LRP1B: variants seen among roughly 807,000 people sequenced by gnomAD.
LRP1B encodes LDL receptor related protein 1B, also known as low-density lipoprotein receptor-related protein 1B.
In LRP1B, 217 loss-of-function variants were observed where a neutral mutation model predicts 556.6. The observed-to-expected ratio is 0.39, with a 90% CI of 0.35 to 0.44. The LOEUF (loss-of-function observed/expected upper bound fraction) is 0.44. LRP1B is among the 20% of genes least tolerant of loss of function. The pLI, the probability that LRP1B is intolerant of heterozygous loss-of-function variation, is 1.00. For missense variants in LRP1B, 5,053 were observed against 5,620.8 expected (o/e 0.90, Z 3.23); for synonymous variants, 2,047 against 1,865.8 (o/e 1.10, Z -2.50).
intron 1 of LRP1B, among the ~76,000 whole-genome samples, chr2:141,845,476 C>T (rs1049769002): frequency 2.0e-5 from 3 of 151,894 alleles, no homozygotes; most frequent in Non-Finnish European, 4.4e-5. Context: ...CAGGTAGATT[C>T]ATATATATGA....
chr2:141,262,007 A>G (rs540532378), intron 3 of LRP1B, among the ~76,000 whole-genome samples: 2 of 152,314 alleles, frequency 1.3e-5, no homozygotes, highest in South Asian at 4.1e-4. Context: ...CCACCAATAT[A>G]TCAATCTTCC....
At chr2:141,746,782 G>A (rs2105556691) in intron 2 of LRP1B, among the ~76,000 whole-genome samples, 1 of 152,102 alleles carries the variant, frequency 6.6e-6, no homozygotes, top group African/African-American at 2.4e-5. Context: ...AAACTTAAAA[G>A]CCCAAAATAA....
chr2:141,812,455 T>C (rs1432831707), intron 1 of LRP1B, among the ~76,000 whole-genome samples: 2 of 152,074 alleles, frequency 1.3e-5, no homozygotes, highest in African/African-American at 2.4e-5. Context: ...AGATTTTATC[T>C]CCCTTCCTCC....
At chr2:141,450,378 C>T (rs1681372061) in intron 3 of LRP1B, among the ~76,000 whole-genome samples, 1 of 151,936 alleles carries the variant, frequency 6.6e-6, no homozygotes, top group Non-Finnish European at 1.5e-5. Flanking sequence ...ATCTTTAATC[C>T]TCAGTTTCTT....
intron 7 of LRP1B, among the ~76,000 whole-genome samples, chr2:141,142,975 C>T (rs1333188345): frequency 1.5e-5 from 2 of 136,506 alleles, no homozygotes; most frequent in African/African-American, 5.5e-5. Context: ...GTCGCCCAGG[C>T]TGGAGTTCAA....
Position 141,923,446 on chromosome 2 carries a change from ATGTGTGTGTGTG to A in LRP1B, c.83-113057_83-113046del, listed in dbSNP as rs56356725. Among the ~76,000 whole-genome samples the A allele has an allele frequency of 1.0e-3, 84 of 81,752 alleles. 1 individual carries two copies. Among genetic ancestry groups the A allele is most frequent in the South Asian group, 4.3e-3 (8 of 1,876 alleles). 53.6% of individuals were successfully genotyped at this position (81,752 alleles called of 152,430 possible). The stretch of plus-strand genomic sequence containing the variant: ...ATAGTGACAAAGAGATTATATATAT[ATGTGTGTGTGTG>A]TGTGTGTGTGTGTGTGTGTGTGTGT... On this transcript the variant is annotated intron_variant, in intron 1 of 90. Coordinates refer to ENST00000389484, the MANE Select transcript of LRP1B (RefSeq NM_018557.3).
At chr2:141,985,985 G>C (rs1702176459) in intron 1 of LRP1B, among the ~76,000 whole-genome samples, 1 of 151,908 alleles carries the variant, frequency 6.6e-6, no homozygotes, top group Non-Finnish European at 1.5e-5. Flanking sequence ...TTTCTTGTGT[G>C]TAAAGAATAA....
intron 2 of LRP1B, among the ~76,000 whole-genome samples, chr2:141,486,930 C>T (rs974106798): frequency 1.3e-5 from 2 of 152,150 alleles, no homozygotes; most frequent in South Asian, 2.1e-4. Flanking sequence ...TCTGTGGTCC[C>T]GGCCACAGTG....
At chr2:140,708,712 T>C (rs12466885) in intron 37 of LRP1B, among the ~76,000 whole-genome samples, 2,525 of 152,034 alleles carry the variant, frequency 0.017, 89 homozygotes, top group Admixed American at 0.072. Flanking sequence ...TCCATGTTTA[T>C]GTACTTTTGT....
intron 2 of LRP1B, among the ~76,000 whole-genome samples, chr2:141,598,244 G>C (rs1687594519): frequency 6.6e-6 from 1 of 151,940 alleles, no homozygotes; most frequent in African/African-American, 2.4e-5. Flanking sequence ...GTCCTTAGTA[G>C]CACTGTGGAC....
chr2:140,949,549 A>G (rs752707293), intron 20 of LRP1B, among the ~76,000 whole-genome samples: 1 of 150,962 alleles, frequency 6.6e-6, no homozygotes, highest in Non-Finnish European at 1.5e-5. Context: ...ATGTAAACAA[A>G]TGTTGTATGG....
At chr2:140,618,453 G>T (rs1302543777) in intron 41 of LRP1B, among the ~76,000 whole-genome samples, 1 of 152,062 alleles carries the variant, frequency 6.6e-6, no homozygotes, top group Admixed American at 6.6e-5. Context: ...AGAAAGAATT[G>T]TGTGATAGAA....
chr2:140,357,273 A>C (rs891417739), intron 74 of LRP1B, among the ~76,000 whole-genome samples: 3 of 151,674 alleles, frequency 2.0e-5, no homozygotes, highest in Non-Finnish European at 4.4e-5. Flanking sequence ...TTTTGCAATT[A>C]GTTAAAATAG....
At chr2:141,771,490 A>C (rs2105616341) in intron 2 of LRP1B, among the ~76,000 whole-genome samples, 1 of 152,364 alleles carries the variant, frequency 6.6e-6, no homozygotes, top group Admixed American at 6.5e-5. Flanking sequence ...GAGAAGTCTA[A>C]CCCATTTAGA....
In LRP1B at chr2:140,691,131, C is replaced by A. The variant is rs766011276; in HGVS notation, c.6799+9119G>T. On this transcript the variant is annotated intron_variant, in intron 41 of 90. Coordinates refer to ENST00000389484, the MANE Select transcript of LRP1B (RefSeq NM_018557.3). ...CACTCCTAAACAATAAGCACATAGC[C>A]CTTTTAACAGAAGAGAGAAACATAT... Among the ~76,000 whole-genome samples, 2 of 151,970 alleles carry A rather than the reference C, an allele frequency of 1.3e-5. 1 individual carries two copies. The highest frequency in any genetic ancestry group is 4.2e-4 in the South Asian group (2 of 4,802).
intron 80 of LRP1B, among the ~76,000 whole-genome samples, chr2:140,325,037 A>T (rs1680396868): frequency 6.6e-6 from 1 of 152,162 alleles, no homozygotes; most frequent in African/African-American, 2.4e-5. Context: ...ATGCAAATAT[A>T]AAAATTTAAA....
At chr2:140,773,404 A>C (rs557953271) in intron 33 of LRP1B, among the ~76,000 whole-genome samples, 2 of 152,144 alleles carry the variant, frequency 1.3e-5, no homozygotes, top group South Asian at 4.1e-4. Flanking sequence ...AGGAGACAGA[A>C]GTTGCAGTGA....
At chr2:140,429,111 C>T (rs771112842) in intron 66 of LRP1B, among the ~76,000 whole-genome samples, 2 of 152,124 alleles carry the variant, frequency 1.3e-5, no homozygotes, top group Non-Finnish European at 2.9e-5. Context: ...TCACCCTTAC[C>T]CTGCTCAACG....
intron 7 of LRP1B, among the ~76,000 whole-genome samples, chr2:141,121,894 T>C (rs537350948): frequency 1.7e-4 from 26 of 152,078 alleles, no homozygotes; most frequent in African/African-American, 4.1e-4. Flanking sequence ...GTACTGGTAC[T>C]AAAACAGAGA....
Sources: allele counts gnomAD v4.1 joint callset (sites outside exome capture counted in the v4.1 genomes callset), GRCh38; gene constraint gnomAD v4.1.1; transcripts MANE v1.5; gene names NCBI Gene and HGNC (gene_info 2026-07-23, HGNC 2026-07-21).